SLC36A1: variants seen among roughly 807,000 people sequenced by gnomAD.
SLC36A1 encodes the protein solute carrier family 36 member 1, also known as proton-coupled amino acid transporter 1.
Under a neutral mutation model 47.5 loss-of-function variants are expected in SLC36A1, and 30 were observed. The observed-to-expected ratio is 0.63, with a 90% confidence interval of 0.47 to 0.86. SLC36A1 has a LOEUF of 0.86. Ranked by LOEUF, SLC36A1 falls within the 40% of genes least tolerant of loss-of-function variation. The probability of loss-of-function intolerance (pLI) is 0.00; values close to 1 mark genes in which losing one functional copy is unlikely to be tolerated. For synonymous variants in SLC36A1, 255 were observed against 249.7 expected, an observed-to-expected ratio of 1.02 and a Z score of -0.20; for missense variants, 517 against 606.0, an observed-to-expected ratio of 0.85 and a Z score of 1.54.
At chr5:151,468,289 AT>A (rs1756836903) in intron 7 of SLC36A1, among the ~76,000 whole-genome samples, 1 of 100,484 alleles carries the variant, frequency 1.0e-5, no homozygotes, top group African/African-American at 4.3e-5. Flanking sequence ...ATATATATAT[AT>A]ATATTTTATA....
the SLC36A1 span, chr5:151,551,013 T>C: frequency 6.5e-6 from 5 of 767,222 alleles, no homozygotes; most frequent in Middle Eastern, 3.9e-4. Flanking sequence ...GTTGAATGAA[T>C]GACAGTATTT....
intron 9 of SLC36A1, among the ~76,000 whole-genome samples, chr5:151,478,302 A>T (rs1447342711): frequency 6.6e-6 from 1 of 152,184 alleles, no homozygotes; most frequent in Non-Finnish European, 1.5e-5. Context: ...TTGCTTAGGG[A>T]CAGAGACCTT....
At chr5:151,390,118 G>T in the SLC36A1 span, among the ~76,000 whole-genome samples, 1 of 152,136 alleles carries the variant, frequency 6.6e-6, no homozygotes, top group Non-Finnish European at 1.5e-5. Context: ...GATGTGAGAT[G>T]GTATCTCATT....
At chr5:151,540,562 C>T in the SLC36A1 span, 1 of 1,606,896 alleles carries the variant, frequency 6.2e-7, no homozygotes, top group Non-Finnish European at 8.5e-7. Context: ...TCGCCAGGCT[C>T]TCACCTGTGA....
chr5:151,426,467 T>C, the SLC36A1 span, among the ~76,000 whole-genome samples: 1 of 151,974 alleles, frequency 6.6e-6, no homozygotes. Context: ...TGCTGTGCCT[T>C]GATGTGCACG....
chr5:151,406,661 A>G, the SLC36A1 span: 1 of 152,236 alleles, frequency 6.6e-6, no homozygotes, highest in Non-Finnish European at 1.5e-5. Flanking sequence ...TAGCTAGCAG[A>G]GCTCCACATG....
At chr5:151,418,782 T>G in the SLC36A1 span, among the ~76,000 whole-genome samples, 1,776 of 152,254 alleles carry the variant, frequency 0.012, 22 homozygotes, top group Non-Finnish European at 0.017. Flanking sequence ...AGGGCATGAT[T>G]GGTTTTGAAA....
the SLC36A1 span, among the ~76,000 whole-genome samples, chr5:151,553,591 T>C: frequency 6.6e-6 from 1 of 152,328 alleles, no homozygotes; most frequent in South Asian, 2.1e-4. Context: ...ACAAAACGTA[T>C]AACCTGTGCT....
At chr5:151,555,415 G>A in the SLC36A1 span, among the ~76,000 whole-genome samples, 1 of 140,650 alleles carries the variant, frequency 7.1e-6, no homozygotes, top group African/African-American at 2.7e-5. Context: ...CTATCGCCCA[G>A]GCTGGAGTTC....
the SLC36A1 span, chr5:151,382,083 G>T: frequency 1.3e-6 from 1 of 777,918 alleles, no homozygotes. Context: ...AACCCCCAAA[G>T]AGAGCCTACT....
upstream of SLC36A1, among the ~76,000 whole-genome samples, chr5:151,445,804 TTC>T (rs1752882580): frequency 6.6e-6 from 1 of 152,210 alleles, no homozygotes; most frequent in African/African-American, 2.4e-5. Flanking sequence ...CCCCATATGA[TTC>T]TTTTTATTTC....
In SLC36A1 at chr5:151,440,468, C is replaced by T. The variant is rs181355658; in HGVS notation, c.-6+3289C>T. Among the ~76,000 whole-genome samples the T allele has an allele frequency of 5.2e-4, 78 of 151,272 alleles. 1 individual carries two copies. The highest frequency in any genetic ancestry group is 1.9e-3 in the African/African-American group (78 of 40,938). On this transcript the variant is annotated intron_variant, in intron 1 of 8. Coordinates refer to the SLC36A1 transcript ENST00000429484. ...AATGTTCAGGAGGATGGATCAGGGA[C>T]CCAAGGGGTCTCAAAAAGAGAGAAG...
chr5:151,432,888 C>A (rs569522070), upstream of SLC36A1, among the ~76,000 whole-genome samples: 1 of 151,986 alleles, frequency 6.6e-6, no homozygotes, highest in Non-Finnish European at 1.5e-5. Flanking sequence ...AAAATGCTTC[C>A]CCAGTCACTT....
upstream of SLC36A1, among the ~76,000 whole-genome samples, chr5:151,432,649 C>G (rs981599834): frequency 1.3e-5 from 2 of 152,190 alleles, no homozygotes; most frequent in African/African-American, 4.8e-5. Flanking sequence ...AGCTAGGAAG[C>G]TATCCAGGTG....
At chr5:151,426,619 G>A in the SLC36A1 span, among the ~76,000 whole-genome samples, 1 of 152,092 alleles carries the variant, frequency 6.6e-6, no homozygotes, top group Non-Finnish European at 1.5e-5. Context: ...GTTAAACACC[G>A]AGACATTCCA....
chr5:151,477,785 T>C (rs1758281858), intron 9 of SLC36A1, among the ~76,000 whole-genome samples: 1 of 152,162 alleles, frequency 6.6e-6, no homozygotes, highest in Admixed American at 6.5e-5. Context: ...AAGAGGCAGG[T>C]GGTAGCTTGG....
At chr5:151,386,355 A>G in the SLC36A1 span, among the ~76,000 whole-genome samples, 9 of 152,186 alleles carry the variant, frequency 5.9e-5, no homozygotes, top group African/African-American at 2.2e-4. Flanking sequence ...ATTTGAACTT[A>G]GTTTCCTCCT....
At chr5:151,544,563 G>A in the SLC36A1 span, 2 of 1,614,006 alleles carry the variant, frequency 1.2e-6, no homozygotes, top group South Asian at 2.2e-5. Context: ...GGAGAATTGG[G>A]GTATAGAGGG....
At chr5:151,521,719 T>C in the SLC36A1 span, 2 of 1,613,970 alleles carry the variant, frequency 1.2e-6, no homozygotes, top group Admixed American at 3.3e-5. Flanking sequence ...CTGCAGAGCC[T>C]CCTGCCCCAC....
Sources: allele counts gnomAD v4.1 joint callset (sites outside exome capture counted in the v4.1 genomes callset), GRCh38; gene constraint gnomAD v4.1.1; transcripts MANE v1.5; gene names NCBI Gene and HGNC (gene_info 2026-07-23, HGNC 2026-07-21).